Variants in GREM2 observed in about 807,000 individuals in gnomAD.
GREM2 encodes the protein gremlin 2, DAN family BMP antagonist, also known as gremlin-2.
GREM2 carries 11 observed loss-of-function variants against 14.2 expected under a neutral mutation model. The ratio of observed to expected loss-of-function variants is 0.78; its 90% confidence interval spans 0.49 to 1.28. GREM2 has a LOEUF of 1.28. GREM2 is among the 50% of genes most tolerant of loss of function. The pLI is 0.00. For missense variants in GREM2, 210 were observed against 218.5 expected (o/e 0.96, Z 0.24); for synonymous variants, 98 against 97.6 (o/e 1.00, Z -0.02).
chr1:240,563,031 TGA>T (rs1679096109), intron 1 of GREM2, among the ~76,000 whole-genome samples: 3 of 150,502 alleles, frequency 2.0e-5, no homozygotes, highest in East Asian at 4.0e-4. Flanking sequence ...TGTGTGTATA[TGA>T]GTGTGTATGT....
intron 1 of GREM2, among the ~76,000 whole-genome samples, chr1:240,538,462 C>A (rs1678521163): frequency 6.6e-6 from 1 of 151,746 alleles, no homozygotes; most frequent in African/African-American, 2.4e-5. Flanking sequence ...AGCACTTTGG[C>A]AAGTGGAGGT....
chr1:240,601,850 C>T (rs957274214), intron 1 of GREM2, among the ~76,000 whole-genome samples: 3 of 146,994 alleles, frequency 2.0e-5, no homozygotes, highest in Non-Finnish European at 3.0e-5. Flanking sequence ...GAGGTTGCAG[C>T]GAGCCAAGGC....
intron 1 of GREM2, among the ~76,000 whole-genome samples, chr1:240,544,187 G>A (rs145014817): frequency 0.035 from 5,009 of 144,758 alleles, 261 homozygotes; most frequent in African/African-American, 0.12. Flanking sequence ...TCGCTCTGTC[G>A]CCCAGGCTGG....
intron 1 of GREM2, among the ~76,000 whole-genome samples, chr1:240,605,738 G>A (rs1342838143): frequency 6.6e-6 from 1 of 151,846 alleles, no homozygotes; most frequent in Non-Finnish European, 1.5e-5. Context: ...CAGAAAGTCA[G>A]CGTGCATTCC....
At chr1:240,511,613 TGTG>T (rs1420724226) in intron 1 of GREM2, among the ~76,000 whole-genome samples, 2 of 151,916 alleles carry the variant, frequency 1.3e-5, no homozygotes, top group East Asian at 1.9e-4. Flanking sequence ...ATTAGCCGGG[TGTG>T]GTGGTGGGCG....
chr1:240,501,507 G>A (rs1260031761), intron 1 of GREM2, among the ~76,000 whole-genome samples: 1 of 152,164 alleles, frequency 6.6e-6, no homozygotes, highest in South Asian at 2.1e-4. Flanking sequence ...TGTAATCAAC[G>A]TTCTAAATCT....
chr1:240,596,159 C>T (rs1313075674), intron 1 of GREM2, among the ~76,000 whole-genome samples: 2 of 152,106 alleles, frequency 1.3e-5, no homozygotes, highest in South Asian at 2.1e-4. Context: ...GCATCATGAA[C>T]ATTCTTGAAT....
chr1:240,599,509 C>T (rs1679879498), intron 1 of GREM2, among the ~76,000 whole-genome samples: 1 of 152,190 alleles, frequency 6.6e-6, no homozygotes, highest in Non-Finnish European at 1.5e-5. Context: ...GATGGACACA[C>T]TCATTTCTTT....
intron 1 of GREM2, among the ~76,000 whole-genome samples, chr1:240,493,937 C>A (rs1255041549): frequency 1.3e-5 from 2 of 152,228 alleles, no homozygotes; most frequent in Non-Finnish European, 2.9e-5. Flanking sequence ...CAAGTGTAGG[C>A]AGTTAGGACT....
intron 1 of GREM2, among the ~76,000 whole-genome samples, chr1:240,610,704 C>T (rs1357526497): frequency 1.3e-5 from 2 of 152,178 alleles, no homozygotes; most frequent in Non-Finnish European, 2.9e-5. Context: ...TCGACTAAGA[C>T]TCCACTGGGA....
intron 1 of GREM2, among the ~76,000 whole-genome samples, chr1:240,565,788 G>C (rs1432514135): frequency 6.6e-6 from 1 of 150,598 alleles, no homozygotes; most frequent in Non-Finnish European, 1.5e-5. Context: ...AGAGGTTGGA[G>C]TGAGCCAAGA....
intron 1 of GREM2, among the ~76,000 whole-genome samples, chr1:240,500,605 G>A (rs570941720): frequency 3.9e-5 from 6 of 152,162 alleles, no homozygotes; most frequent in Non-Finnish European, 5.9e-5. Flanking sequence ...GTGCCCAGCC[G>A]ATAATCTTTA....
At chr1:240,533,445 T>C (rs1009085943) in intron 1 of GREM2, among the ~76,000 whole-genome samples, 1 of 152,222 alleles carries the variant, frequency 6.6e-6, no homozygotes, top group Non-Finnish European at 1.5e-5. Flanking sequence ...GAGAAGCCCT[T>C]GGTATCTCAT....
At chr1:240,497,034 T>A (rs1677437695) in intron 1 of GREM2, among the ~76,000 whole-genome samples, 1 of 150,242 alleles carries the variant, frequency 6.7e-6, no homozygotes, top group Non-Finnish European at 1.5e-5. Flanking sequence ...AAAAAAAAAA[T>A]GTTGAACGAA....
intron 1 of GREM2, among the ~76,000 whole-genome samples, chr1:240,611,563 G>C (rs1680135591): frequency 6.6e-6 from 1 of 152,106 alleles, no homozygotes; most frequent in Admixed American, 6.6e-5. Flanking sequence ...TTAGAATGGC[G>C]GTCACCAAGA....
intron 1 of GREM2, among the ~76,000 whole-genome samples, chr1:240,570,343 TC>T (rs1280914563): frequency 6.6e-6 from 1 of 152,044 alleles, no homozygotes; most frequent in Admixed American, 6.6e-5. Flanking sequence ...GTGCCTGTAG[TC>T]CCAGCTACTC....
chr1:240,538,670 A>T (rs977864168), intron 1 of GREM2, among the ~76,000 whole-genome samples: 26 of 152,248 alleles, frequency 1.7e-4, no homozygotes, highest in Middle Eastern at 3.4e-3. Context: ...GTGAGCCAAG[A>T]TCGTGCCACT....
intron 1 of GREM2, among the ~76,000 whole-genome samples, chr1:240,519,492 T>G (rs962792177): frequency 2.0e-5 from 3 of 152,340 alleles, no homozygotes; most frequent in Admixed American, 2.0e-4. Context: ...TCAGTAATAC[T>G]AAGTTTCAAA....
At chr1:240,584,136 A>T (rs1172147649) in intron 1 of GREM2, among the ~76,000 whole-genome samples, 1 of 152,180 alleles carries the variant, frequency 6.6e-6, no homozygotes, top group Admixed American at 6.6e-5. Context: ...GACTACAACA[A>T]TGAAAATAAT....
Sources: allele counts gnomAD v4.1 joint callset (sites outside exome capture counted in the v4.1 genomes callset), GRCh38; gene constraint gnomAD v4.1.1; transcripts MANE v1.5; gene names NCBI Gene and HGNC (gene_info 2026-07-23, HGNC 2026-07-21).